Variants in UTY observed in about 807,000 individuals in gnomAD.
The protein encoded by UTY is ubiquitously transcribed tetratricopeptide repeat containing, Y-linked.
UTY carries 12 observed loss-of-function variants against 32.5 expected under a neutral mutation model. The ratio of observed to expected loss-of-function variants is 0.37; its 90% CI spans 0.24 to 0.60. The LOEUF (loss-of-function observed/expected upper bound fraction) is 0.60, where lower values mean the gene tolerates loss of function less well. UTY is among the 20% of genes least tolerant of loss of function. The pLI, the probability that UTY is intolerant of heterozygous loss-of-function variation, is 0.69. For missense variants in UTY, 303 were observed against 299.2 expected (o/e 1.01, Z -0.09); for synonymous variants, 131 against 103.4 (o/e 1.27, Z -1.62).
chrY:13,479,442 C>T, intron 1 of UTY, 72 bp downstream of exon 1: 1 of 394,617 alleles, frequency 2.5e-6, no homozygotes, highest in Non-Finnish European at 3.6e-6. Context: ...CCGTCATCAA[C>T]GTGGGCAAGC....
chrY:13,249,789 C>T lies in UTY; in HGVS notation c.*67G>A. On this transcript the variant is annotated 3_prime_UTR_variant, in exon 30 of 30. Coordinates refer to ENST00000545955, the MANE Select transcript of UTY (RefSeq NM_001258249.2). The stretch of plus-strand genomic sequence containing the variant: ...AGTCAACAGTTTTATGAAACAGCTA[C>T]AAAACCAGTGGTGCAGAAATTTCCT... The T allele has an allele frequency of 1.8e-5, 3 of 165,819 alleles. No homozygotes were observed. The highest frequency in any genetic ancestry group is 3.0e-4 in the Admixed American group (2 of 6,676). 41.4% of individuals were successfully genotyped at this position (165,819 alleles called of 400,897 possible). A position where few individuals can be genotyped will look rare whatever the true frequency, so the allele number is the denominator to read the frequency against.
chrY:13,446,619 T>TAGACAGAC (rs1556515334), intron 4 of UTY, among the ~76,000 whole-genome samples: 750 of 14,267 alleles, frequency 0.053, no homozygotes, highest in East Asian at 0.11. Context: ...GATAGATAGA[T>TAGACAGAC]AGACAGACAG....
chrY:13,467,582 A>G, intron 3 of UTY, among the ~76,000 whole-genome samples: 1 of 32,969 alleles, frequency 3.0e-5, no homozygotes, highest in Non-Finnish European at 7.4e-5. Flanking sequence ...CAGCCTGGTC[A>G]ACATGTTAAA....
At chrY:13,276,476 GA>G (rs2056687710) in intron 27 of UTY, among the ~76,000 whole-genome samples, 1 of 33,710 alleles carries the variant, frequency 3.0e-5, no homozygotes, top group Admixed American at 2.6e-4. Context: ...TTGGGAAGCT[GA>G]GGCGGGCGGA....
At chrY:13,344,941 G>T in intron 17 of UTY, among the ~76,000 whole-genome samples, 3 of 33,557 alleles carry the variant, frequency 8.9e-5, no homozygotes, top group Admixed American at 8.1e-4. Context: ...GGATTTAAAA[G>T]AAATTGGGGA....
At chrY:13,333,542 C>A in intron 18 of UTY, among the ~76,000 whole-genome samples, 1 of 33,744 alleles carries the variant, frequency 3.0e-5, no homozygotes, top group Non-Finnish European at 7.4e-5. Context: ...AGAAACTGTA[C>A]CCCTTCCTTA....
chrY:13,360,838 A>C (rs951377031), intron 10 of UTY, among the ~76,000 whole-genome samples: 9 of 33,240 alleles, frequency 2.7e-4, no homozygotes, highest in East Asian at 7.6e-4. Context: ...TATTTACACA[A>C]GTTTGAACGC....
At chrY:13,405,183 G>GA (rs2069714113) in intron 6 of UTY, among the ~76,000 whole-genome samples, 1 of 30,536 alleles carries the variant, frequency 3.3e-5, no homozygotes. Flanking sequence ...CCTGATGAGG[G>GA]AAAAAAAAAT....
chrY:13,260,126 G>T, intron 28 of UTY, 152 bp downstream of exon 28: 1 of 141,773 alleles, frequency 7.1e-6, no homozygotes. Context: ...GTGAAATATT[G>T]TATCAGATGA....
At chrY:13,358,350 A>G in intron 14 of UTY, 114 bp downstream of exon 14, 1 of 344,748 alleles carries the variant, frequency 2.9e-6, no homozygotes, top group Non-Finnish European at 3.9e-6. Context: ...TGGAATAGAA[A>G]TACTGCTTCA....
At chrY:13,316,888 A>G in intron 21 of UTY, among the ~76,000 whole-genome samples, 1 of 33,664 alleles carries the variant, frequency 3.0e-5, no homozygotes, top group Non-Finnish European at 7.4e-5. Flanking sequence ...TTTGGCTACT[A>G]TAGGGCTTTG....
At chrY:13,457,168 C>T (rs768722715) in intron 3 of UTY, among the ~76,000 whole-genome samples, 54 of 33,342 alleles carry the variant, frequency 1.6e-3, no homozygotes, top group Non-Finnish European at 1.3e-3. Context: ...AAGAAAACAA[C>T]AAAATTTCAA....
chrY:13,310,043 C>T (rs2058933488), intron 21 of UTY, among the ~76,000 whole-genome samples: 1 of 30,605 alleles, frequency 3.3e-5, no homozygotes, highest in Non-Finnish European at 7.8e-5. Flanking sequence ...AGTGAAACCC[C>T]ATCTCTACTA....
intron 21 of UTY, among the ~76,000 whole-genome samples, chrY:13,317,194 G>C (rs2059538200): frequency 9.2e-5 from 3 of 32,620 alleles, no homozygotes; most frequent in African/African-American, 2.4e-4. Flanking sequence ...AGTAGAGATG[G>C]GGTTTTGCCA....
chrY:13,316,288 A>G (rs2059483313), intron 21 of UTY, among the ~76,000 whole-genome samples: 1 of 33,306 alleles, frequency 3.0e-5, no homozygotes, highest in African/African-American at 1.2e-4. Flanking sequence ...TCGAGATCCG[A>G]AGTTTATTTT....
chrY:13,285,213 G>C, intron 27 of UTY, among the ~76,000 whole-genome samples: 1 of 33,601 alleles, frequency 3.0e-5, no homozygotes, highest in Admixed American at 2.7e-4. Context: ...GTGATATTGT[G>C]GTGGACCTTT....
chrY:13,393,344 A>T, intron 8 of UTY: 1 of 33,603 alleles, frequency 3.0e-5, no homozygotes. Flanking sequence ...AAAAACAAAC[A>T]GCCTTGAACT....
rs200519120 is a variant in UTY at position 13,280,525 on chromosome Y, T to TTTTTGAG, written c.4010+17175_4010+17181dup. Among the ~76,000 whole-genome samples, 51 of 33,122 alleles carry TTTTTGAG rather than the reference T, an allele frequency of 1.5e-3. No individual in the cohort carries two copies. The East Asian group carries it at 0.041, about 27-fold the overall frequency. The allele number at this position is 33,122 out of a possible 37,273, so 88.9% of individuals were successfully genotyped here. On this transcript the variant is annotated intron_variant, in intron 27 of 29. Coordinates refer to ENST00000545955, the MANE Select transcript of UTY (RefSeq NM_001258249.2). ...ACAGAATACCAAGCACATTTTTTGG[T>TTTTTGAG]TTTTGAGATGGAGTGTCACTCTGTT...
At chrY:13,392,102 C>T (rs746553834) in intron 8 of UTY, among the ~76,000 whole-genome samples, 3 of 33,580 alleles carry the variant, frequency 8.9e-5, no homozygotes, top group Admixed American at 5.4e-4. Flanking sequence ...GAGTTCAAGG[C>T]TGCAGTAAAC....
Sources: allele counts gnomAD v4.1 joint callset (sites outside exome capture counted in the v4.1 genomes callset), GRCh38; gene constraint gnomAD v4.1.1; transcripts MANE v1.5; gene names NCBI Gene and HGNC (gene_info 2026-07-23, HGNC 2026-07-21).